The following SH3D19 variants were observed in gnomAD, a reference collection of about 807,000 sequenced individuals.
The protein encoded by SH3D19 is SH3 domain containing 19.
A neutral mutation model predicts 112.1 loss-of-function variants in SH3D19; 58 were observed. The observed-to-expected ratio is 0.52, with a 90% CI of 0.42 to 0.64. The LOEUF (loss-of-function observed/expected upper bound fraction) is 0.64. Among genes scored for constraint, SH3D19 ranks in the 30% least tolerant of loss-of-function variants. The pLI is 0.00. For missense variants in SH3D19, 1,090 were observed against 1,263.4 expected, an observed-to-expected ratio of 0.86 and a Z score of 2.08; for synonymous variants, 391 against 448.5, an observed-to-expected ratio of 0.87 and a Z score of 1.62.
At chr4:151,308,267 G>A (rs1163768176) in intron 1 of SH3D19, among the ~76,000 whole-genome samples, 1 of 152,228 alleles carries the variant, frequency 6.6e-6, no homozygotes, top group East Asian at 1.9e-4. Context: ...GAGCACATGT[G>A]TCAAGCACTG....
intron 2 of SH3D19, among the ~76,000 whole-genome samples, chr4:151,217,191 C>T (rs1767269852): frequency 6.6e-6 from 1 of 151,980 alleles, no homozygotes; most frequent in African/African-American, 2.4e-5. Flanking sequence ...TAAACTAACC[C>T]CAGCAGAGCA....
chr4:151,300,062 G>A (rs766701035), intron 1 of SH3D19, among the ~76,000 whole-genome samples: 8 of 152,078 alleles, frequency 5.3e-5, no homozygotes, highest in Non-Finnish European at 7.4e-5. Context: ...TTAGCCAGGC[G>A]TGGTGGTGCA....
At chr4:151,275,485 T>G (rs891329604) in intron 1 of SH3D19, among the ~76,000 whole-genome samples, 2 of 152,184 alleles carry the variant, frequency 1.3e-5, no homozygotes, top group African/African-American at 4.8e-5. Context: ...CTCAGTTGCC[T>G]GTAACTGAAT....
chr4:151,260,867 C>T (rs192542323), intron 1 of SH3D19, among the ~76,000 whole-genome samples: 1 of 152,322 alleles, frequency 6.6e-6, no homozygotes, highest in Non-Finnish European at 1.5e-5. Context: ...TGACTTCTTC[C>T]TTTTGGGACT....
rs573836826 is a variant in SH3D19, at chr4:151,286,872, C to T, written c.112+38369G>A. Among the ~76,000 whole-genome samples, 152 of 151,584 alleles carry T rather than the reference C, an allele frequency of 1.0e-3. 1 individual carries two copies. Among genetic ancestry groups the T allele is most frequent in the African/African-American group, 3.5e-3 (145 of 41,390 alleles). ...GCATGTGCCTGTATTCCCAGCTACT[C>T]GGGAGGCTGAGGCATGAGAATCACT... On this transcript the variant is annotated intron_variant, in intron 1 of 19. Transcript: ENST00000604030.
intron 2 of SH3D19, among the ~76,000 whole-genome samples, chr4:151,222,503 C>T (rs967281478): frequency 6.6e-6 from 1 of 152,036 alleles, no homozygotes; most frequent in Non-Finnish European, 1.5e-5. Flanking sequence ...TTCTATTCTA[C>T]ACCTTAAAAA....
chr4:151,129,719 G>C (rs1351505129), intron 17 of SH3D19, among the ~76,000 whole-genome samples: 1 of 152,136 alleles, frequency 6.6e-6, no homozygotes, highest in African/African-American at 2.4e-5. Context: ...ACCCAGTTCT[G>C]CCACTTCTTA....
chr4:151,137,565 T>C (rs776088785), intron 14 of SH3D19, among the ~76,000 whole-genome samples, 167 bp downstream of exon 14: 1 of 152,206 alleles, frequency 6.6e-6, no homozygotes, highest in Non-Finnish European at 1.5e-5. Flanking sequence ...AATATAATAA[T>C]TAACCATCAC....
chr4:151,124,475 T>A (rs1748721695), intron 19 of SH3D19, among the ~76,000 whole-genome samples: 1 of 151,416 alleles, frequency 6.6e-6, no homozygotes, highest in South Asian at 2.1e-4. Context: ...TCCTAACACT[T>A]TGGGAGGCCA....
intron 1 of SH3D19, among the ~76,000 whole-genome samples, chr4:151,232,039 C>T (rs961164131): frequency 6.6e-6 from 1 of 152,118 alleles, no homozygotes; most frequent in Non-Finnish European, 1.5e-5. Flanking sequence ...CAAAAATTAG[C>T]TGGACATGGT....
At chr4:151,271,415 G>T (rs1773217387) in intron 1 of SH3D19, among the ~76,000 whole-genome samples, 1 of 152,192 alleles carries the variant, frequency 6.6e-6, no homozygotes, top group African/African-American at 2.4e-5. Context: ...CTCAAAAGAA[G>T]ACTGAATTCT....
At chr4:151,317,544 A>C (rs1420853243) in intron 1 of SH3D19, among the ~76,000 whole-genome samples, 1 of 152,212 alleles carries the variant, frequency 6.6e-6, no homozygotes, top group Non-Finnish European at 1.5e-5. Flanking sequence ...TGAGAGAGGG[A>C]AAGAAAACAG....
At chr4:151,222,433 C>G (rs1034737030) in intron 2 of SH3D19, among the ~76,000 whole-genome samples, 2 of 152,128 alleles carry the variant, frequency 1.3e-5, no homozygotes, top group Non-Finnish European at 2.9e-5. Context: ...ACTATATCAC[C>G]CTTACATTAA....
chr4:151,224,329 A>G (rs764181951), intron 2 of SH3D19, among the ~76,000 whole-genome samples: 1 of 152,112 alleles, frequency 6.6e-6, no homozygotes, highest in Non-Finnish European at 1.5e-5. Flanking sequence ...AAAAAGTATG[A>G]TCTAGAGCTA....
intron 8 of SH3D19, among the ~76,000 whole-genome samples, chr4:151,160,322 C>G (rs1330478165): frequency 6.6e-6 from 1 of 152,044 alleles, no homozygotes; most frequent in Non-Finnish European, 1.5e-5. Context: ...CTCCTGACCT[C>G]GTGATCCGCC....
At chr4:151,307,017 C>CTTTTTTTTTTTTTT (rs750863632) in intron 1 of SH3D19, among the ~76,000 whole-genome samples, 1 of 122,926 alleles carries the variant, frequency 8.1e-6, no homozygotes, top group Non-Finnish European at 1.7e-5. Context: ...ATGATGACTT[C>CTTTTTTTTTTTTTT]TTTTTTTTTT....
intron 10 of SH3D19, 32 bp from the exon 11 acceptor site, chr4:151,148,218 GT>G (rs1754271966): frequency 6.4e-7 from 1 of 1,554,412 alleles, no homozygotes; most frequent in Non-Finnish European, 8.7e-7. Context: ...ATGAGTCAGT[GT>G]TTTGATCAGT....
chr4:151,177,568 C>T (rs1360559717), intron 4 of SH3D19, among the ~76,000 whole-genome samples: 1 of 152,160 alleles, frequency 6.6e-6, no homozygotes, highest in East Asian at 1.9e-4. Flanking sequence ...AGGCTGATCT[C>T]GAACTCCTGA....
At chr4:151,213,685 TTA>T (rs1554055399) in intron 2 of SH3D19, among the ~76,000 whole-genome samples, 4,100 of 149,458 alleles carry the variant, frequency 0.027, 195 homozygotes, top group African/African-American at 0.095. Context: ...AATTAATTAA[TTA>T]ATTTATTTAT....
Sources: gnomAD v4.1 joint callset for allele counts (sites outside exome capture counted in the v4.1 genomes callset) on GRCh38, gnomAD v4.1.1 for gene constraint, MANE v1.5 for transcripts, NCBI Gene and HGNC (gene_info 2026-07-23, HGNC 2026-07-21) for gene names.